RCL1: variants seen among roughly 807,000 people sequenced by gnomAD.
RCL1 encodes the protein RNA terminal phosphate cyclase like 1, also known as RNA 3'-terminal phosphate cyclase-like protein.
A neutral mutation model predicts 42.4 loss-of-function variants in RCL1; 24 were observed. The observed-to-expected ratio is 0.57, with a 90% confidence interval of 0.41 to 0.80. The LOEUF (loss-of-function observed/expected upper bound fraction) is 0.80, where lower values mean the gene tolerates loss of function less well. Among genes scored for constraint, RCL1 ranks in the 30% least tolerant of loss-of-function variants. RCL1 has a pLI of 0.00. For synonymous variants in RCL1, 228 were observed against 177.3 expected, an observed-to-expected ratio of 1.29 and a Z score of -2.27; for missense variants, 578 against 467.9, an observed-to-expected ratio of 1.24 and a Z score of -2.17.
At chr9:4,825,229 A>G (rs188561586) in intron 2 of RCL1, among the ~76,000 whole-genome samples, 3 of 152,134 alleles carry the variant, frequency 2.0e-5, no homozygotes, top group Non-Finnish European at 4.4e-5. Context: ...ATTGAGGAGT[A>G]AGACATTTAC....
chr9:4,801,383 G>T (rs1842998383), intron 1 of RCL1, among the ~76,000 whole-genome samples: 1 of 152,138 alleles, frequency 6.6e-6, no homozygotes, highest in Non-Finnish European at 1.5e-5. Flanking sequence ...TGTTGTCCAG[G>T]CTGGTCTTGA....
In RCL1 at chr9:4,823,834, C is replaced by T. The variant is rs539272579; in HGVS notation, c.208+215C>T. Among the ~76,000 whole-genome samples the T allele has an allele frequency of 5.3e-5, 8 of 152,078 alleles. No homozygotes were observed. The South Asian group carries it at 1.0e-3, about 20-fold the overall frequency. ...ATTTTGGGGGGACTTATATGAGGAA[C>T]TCACCATATAACTTTGGAGTTATAT... On this transcript the variant is annotated intron_variant, in intron 2 of 8. Transcript: ENST00000381750.
intron 1 of RCL1, among the ~76,000 whole-genome samples, chr9:4,794,504 A>T (rs754784207): frequency 6.6e-6 from 1 of 152,190 alleles, no homozygotes; most frequent in Non-Finnish European, 1.5e-5. Flanking sequence ...CCCTTGGGCA[A>T]AGTGTTTGCT....
intron 8 of RCL1, among the ~76,000 whole-genome samples, chr9:4,857,340 T>A (rs570398708): frequency 1.3e-5 from 2 of 152,334 alleles, no homozygotes; most frequent in Admixed American, 6.5e-5. Context: ...TTTTTCATAT[T>A]GTGTAGATAG....
chr9:4,796,856 T>C (rs948202869), intron 1 of RCL1, among the ~76,000 whole-genome samples: 2 of 152,246 alleles, frequency 1.3e-5, no homozygotes, highest in Non-Finnish European at 2.9e-5. Context: ...GTGCCTTTTT[T>C]GTATAATGAT....
At chr9:4,847,914 C>T (rs753491057) in intron 7 of RCL1, among the ~76,000 whole-genome samples, 20 of 152,226 alleles carry the variant, frequency 1.3e-4, no homozygotes, top group Non-Finnish European at 2.2e-4. Context: ...AGGGCTGGCT[C>T]AAGTAGTCCT....
chr9:4,819,287 T>C (rs985799136), intron 1 of RCL1, among the ~76,000 whole-genome samples: 4 of 152,230 alleles, frequency 2.6e-5, no homozygotes, highest in African/African-American at 9.6e-5. Context: ...ATAGGGTTCA[T>C]GGTCCTATGA....
chr9:4,824,739 A>T (rs780934734), intron 2 of RCL1, among the ~76,000 whole-genome samples: 1 of 152,168 alleles, frequency 6.6e-6, no homozygotes, highest in Non-Finnish European at 1.5e-5. Flanking sequence ...AGATATTCTG[A>T]TCTATAGCTG....
chr9:4,801,736 T>G (rs1587692110), intron 1 of RCL1, among the ~76,000 whole-genome samples: 1 of 146,802 alleles, frequency 6.8e-6, no homozygotes, highest in African/African-American at 2.6e-5. Context: ...TTTTTTTTTT[T>G]GCCTATGGAA....
At chr9:4,799,401 C>G (rs377587784) in intron 1 of RCL1, among the ~76,000 whole-genome samples, 2 of 152,162 alleles carry the variant, frequency 1.3e-5, no homozygotes, top group South Asian at 2.1e-4. Flanking sequence ...TGTACTTTAT[C>G]CAGTTTCCCC....
intron 1 of RCL1, among the ~76,000 whole-genome samples, chr9:4,811,527 G>T (rs1816175422): frequency 6.6e-6 from 1 of 151,970 alleles, no homozygotes; most frequent in South Asian, 2.1e-4. Flanking sequence ...TTATCTTTCT[G>T]TGTCTGGCTT....
chr9:4,803,485 A>G (rs1306779473), intron 1 of RCL1, among the ~76,000 whole-genome samples: 2 of 152,182 alleles, frequency 1.3e-5, no homozygotes, highest in African/African-American at 4.8e-5. Flanking sequence ...GTATACCCTT[A>G]TATCCACAAC....
At chr9:4,823,463 G>C in intron 1 of RCL1, 85 bp from the exon 2 acceptor site, 1 of 1,040,946 alleles carries the variant, frequency 9.6e-7, no homozygotes, top group Non-Finnish European at 1.5e-6. Flanking sequence ...CACAGTACCT[G>C]AATCAGGCAT....
intron 5 of RCL1, among the ~76,000 whole-genome samples, chr9:4,837,445 AGTT>A (rs907188085): frequency 9.2e-5 from 14 of 152,042 alleles, no homozygotes; most frequent in African/African-American, 3.1e-4. Context: ...TCTGGGGGGT[AGTT>A]GTTTTTTTTC....
At chr9:4,834,336 C>T in intron 5 of RCL1, 71 bp downstream of exon 5, 2 of 1,509,120 alleles carry the variant, frequency 1.3e-6, no homozygotes, top group Non-Finnish European at 1.8e-6. Flanking sequence ...GAATGACTAA[C>T]AGCTTTACTT....
chr9:4,804,705 G>A, intron 1 of RCL1: 1 of 172,416 alleles, frequency 5.8e-6, no homozygotes, highest in South Asian at 9.9e-5. Flanking sequence ...CCGGTGGCCG[G>A]TGCGCTGGTG....
chr9:4,806,048 G>GTGTGTGTGTA (rs1815946345), intron 1 of RCL1, among the ~76,000 whole-genome samples: 1 of 126,846 alleles, frequency 7.9e-6, no homozygotes, highest in Non-Finnish European at 1.9e-5. Flanking sequence ...GTGTGTGTTT[G>GTGTGTGTGTA]TGTGTGTGTG....
intron 1 of RCL1, among the ~76,000 whole-genome samples, chr9:4,794,083 C>G (rs945435676): frequency 6.6e-6 from 1 of 152,098 alleles, no homozygotes; most frequent in African/African-American, 2.4e-5. Flanking sequence ...CCAAGTTGGG[C>G]GAGTCAGTAG....
In RCL1 at chr9:4,793,051, G is replaced by T; in HGVS notation, c.-41G>T. ...ACGAGTCCCGCGTCTGTCCGAAGTC[G>T]CCGCTCTCGGGCTGCTCACGTCTCT... is the stretch of plus-strand genomic sequence containing the variant. On this transcript the variant is annotated 5_prime_UTR_variant, in exon 1 of 9. Transcript: ENST00000381750. 2 of 1,579,852 alleles carry T rather than the reference G, an allele frequency of 1.3e-6. No homozygotes were observed. The highest frequency in any genetic ancestry group is 1.4e-5 in the African/African-American group (1 of 73,128).
Sources: allele counts gnomAD v4.1 joint callset (sites outside exome capture counted in the v4.1 genomes callset), GRCh38; gene constraint gnomAD v4.1.1; transcripts MANE v1.5; gene names NCBI Gene and HGNC (gene_info 2026-07-23, HGNC 2026-07-21).